The following RNLS variants were observed in gnomAD, a reference collection of about 807,000 sequenced individuals.
The protein encoded by RNLS is renalase.
Under a neutral mutation model 39.8 loss-of-function variants are expected in RNLS, and 39 were observed. That is an observed-to-expected ratio of 0.98 (90% CI 0.76 to 1.28). The LOEUF is 1.28. Ranked by LOEUF, RNLS falls within the 50% of genes most tolerant of loss-of-function variation. The probability of loss-of-function intolerance (pLI) is 0.00; values close to 1 mark genes in which losing one functional copy is unlikely to be tolerated. For synonymous variants in RNLS, 147 were observed against 150.7 expected, an observed-to-expected ratio of 0.98 and a Z score of 0.18; for missense variants, 410 against 413.3, an observed-to-expected ratio of 0.99 and a Z score of 0.07.
At chr10:88,233,978 G>A in the RNLS span, among the ~76,000 whole-genome samples, 1 of 150,340 alleles carries the variant, frequency 6.7e-6, no homozygotes, top group South Asian at 2.2e-4. Flanking sequence ...CCTGGAAACC[G>A]GTCAGTACAA....
the RNLS span, among the ~76,000 whole-genome samples, chr10:88,234,742 C>T: frequency 6.6e-6 from 1 of 152,122 alleles, no homozygotes; most frequent in African/African-American, 2.4e-5. Flanking sequence ...GAGACAGTAA[C>T]AAAGCAGGCA....
chr10:88,359,981 T>C (rs1849513126), intron 5 of RNLS, among the ~76,000 whole-genome samples: 1 of 152,232 alleles, frequency 6.6e-6, no homozygotes, highest in Non-Finnish European at 1.5e-5. Context: ...CAGAAATCTA[T>C]TGAATGTTGG....
intron 4 of RNLS, among the ~76,000 whole-genome samples, chr10:88,408,639 T>G (rs1853444497): frequency 6.6e-6 from 1 of 152,126 alleles, no homozygotes; most frequent in Non-Finnish European, 1.5e-5. Flanking sequence ...TGAACTATTA[T>G]CAATTTGGTG....
chr10:88,417,193 A>C (rs1854083770), intron 4 of RNLS, among the ~76,000 whole-genome samples: 1 of 152,166 alleles, frequency 6.6e-6, no homozygotes, highest in South Asian at 2.1e-4. Flanking sequence ...AAGATTTTAT[A>C]TGTTTTGAAA....
the RNLS span, among the ~76,000 whole-genome samples, chr10:88,222,376 TA>T: frequency 3.9e-5 from 6 of 152,308 alleles, no homozygotes; most frequent in African/African-American, 1.4e-4. Context: ...TGGTAGATTA[TA>T]AACTCCTTGG....
In RNLS at chr10:88,512,438, T is replaced by A. The variant is rs190931990; in HGVS notation, c.526+60465A>T. 3.5e-4 allele frequency among the ~76,000 whole-genome samples: 53 copies of A among 152,270 alleles called. 1 individual carries two copies. The highest frequency in any genetic ancestry group is 3.4e-3 in the Middle Eastern group (1 of 294). On this transcript the variant is annotated intron_variant, in intron 4 of 6. Coordinates refer to ENST00000331772, the MANE Select transcript of RNLS (RefSeq NM_001031709.3). Reference sequence around the variant, plus strand: ...TTTGCAGTTCATAAAATATTTCTTATTCATTACTTCACAGATACTCACCAA... The same window carrying A: ...TTTGCAGTTCATAAAATATTTCTTAATCATTACTTCACAGATACTCACCAA...
rs11202708 is a variant in RNLS at position 88,309,645 on chromosome 10, G to A, written c.876+4821C>T. Among the ~76,000 whole-genome samples, 117 of 152,290 alleles carry A rather than the reference G, an allele frequency of 7.7e-4. 1 individual carries two copies. The East Asian group carries it at 0.019, about 24-fold the overall frequency. The stretch of plus-strand genomic sequence containing the variant: ...AGGGCAAAGACTTCCTTGTTTAAGA[G>A]GTGGGAGGGGAATAAAAGGATAGAG... On this transcript the variant is annotated intron_variant, in intron 6 of 6. Coordinates refer to ENST00000331772, the MANE Select transcript of RNLS (RefSeq NM_001031709.3).
chr10:88,469,829 G>C (rs968157612), intron 4 of RNLS, among the ~76,000 whole-genome samples: 1 of 124,332 alleles, frequency 8.0e-6, no homozygotes, highest in Non-Finnish European at 1.8e-5. Flanking sequence ...GTGCGTGTGT[G>C]TGTGTGTGTG....
At chr10:88,452,704 C>A (rs1842426084) in intron 4 of RNLS, among the ~76,000 whole-genome samples, 1 of 152,068 alleles carries the variant, frequency 6.6e-6, no homozygotes, top group African/African-American at 2.4e-5. Flanking sequence ...GGCTACCACC[C>A]CGTCATGTCA....
At chr10:88,343,740 G>A (rs1848121591) in intron 5 of RNLS, 1 of 985,226 alleles carries the variant, frequency 1.0e-6, no homozygotes, top group Non-Finnish European at 1.2e-6. Context: ...CACCTCCCAA[G>A]CTTCATGAAA....
rs138997369 is a variant in RNLS, at chr10:88,355,287, G to A, written c.700+7265C>T. ...TGCATTCCTTTGGAGGAGGAGAGGC[G>A]CTCTGATTTTTAGAATTTTCAGTTT... On this transcript the variant is annotated intron_variant, in intron 5 of 6. Coordinates refer to ENST00000331772, the MANE Select transcript of RNLS (RefSeq NM_001031709.3). 8.2e-3 allele frequency among the ~76,000 whole-genome samples: 1,248 copies of A among 152,216 alleles called. 19 individuals are homozygous for A. Among genetic ancestry groups the A allele is most frequent in the South Asian group, 0.029 (140 of 4,822 alleles).
At chr10:88,551,683 C>CAA (rs113821413) in intron 4 of RNLS, among the ~76,000 whole-genome samples, 6 of 140,398 alleles carry the variant, frequency 4.3e-5, no homozygotes, top group African/African-American at 1.6e-4. Flanking sequence ...TGACTGGTTG[C>CAA]AAAAAAAAAA....
the RNLS span, among the ~76,000 whole-genome samples, chr10:88,229,856 T>C: frequency 1.3e-5 from 2 of 152,354 alleles, no homozygotes; most frequent in Admixed American, 1.3e-4. Context: ...TATTCTTTTT[T>C]ATTGCTGAAT....
chr10:88,460,448 A>T (rs1842884475), intron 4 of RNLS, among the ~76,000 whole-genome samples: 1 of 152,038 alleles, frequency 6.6e-6, no homozygotes, highest in African/African-American at 2.4e-5. Flanking sequence ...GCCTTCCCAG[A>T]TTATCCACCT....
intron 4 of RNLS, among the ~76,000 whole-genome samples, chr10:88,504,782 T>C (rs1045110499): frequency 6.6e-6 from 1 of 152,022 alleles, no homozygotes; most frequent in Non-Finnish European, 1.5e-5. Context: ...GGTTGAAGTA[T>C]TATTGCTGTA....
intron 5 of RNLS, among the ~76,000 whole-genome samples, chr10:88,331,027 T>C (rs1316155742): frequency 2.6e-5 from 4 of 152,022 alleles, no homozygotes; most frequent in Non-Finnish European, 4.4e-5. Flanking sequence ...GGCTAGAAAA[T>C]TGGATATAAG....
intron 5 of RNLS, among the ~76,000 whole-genome samples, chr10:88,325,774 A>T (rs1846554870): frequency 6.6e-6 from 1 of 152,196 alleles, no homozygotes; most frequent in Non-Finnish European, 1.5e-5. Flanking sequence ...GTCCTCACCC[A>T]AATCTCATCT....
chr10:88,286,098 A>G (rs1387000606), intron 6 of RNLS, among the ~76,000 whole-genome samples: 2 of 152,046 alleles, frequency 1.3e-5, no homozygotes, highest in Non-Finnish European at 2.9e-5. Flanking sequence ...TTTATCAGCC[A>G]CCCACTCTAT....
At chr10:88,541,131 A>G (rs147331272) in intron 4 of RNLS, among the ~76,000 whole-genome samples, 49 of 152,300 alleles carry the variant, frequency 3.2e-4, no homozygotes, top group African/African-American at 1.2e-3. Flanking sequence ...TTTCTGTTAT[A>G]TAGAAAGGAA....
Sources: gnomAD v4.1 joint callset for allele counts (sites outside exome capture counted in the v4.1 genomes callset) on GRCh38, gnomAD v4.1.1 for gene constraint, MANE v1.5 for transcripts, NCBI Gene and HGNC (gene_info 2026-07-23, HGNC 2026-07-21) for gene names.